Variants in MACO1 observed in about 807,000 individuals in gnomAD.
MACO1 encodes the protein macoilin.
In MACO1, 14 loss-of-function variants were observed where a neutral mutation model predicts 78.7. That is an observed-to-expected ratio of 0.18 (90% CI 0.12 to 0.28). The LOEUF (loss-of-function observed/expected upper bound fraction) is 0.28. Ranked by LOEUF, MACO1 falls within the 10% of genes least tolerant of loss-of-function variation. MACO1 has a pLI of 1.00. For missense variants in MACO1, 501 were observed against 799.0 expected, an observed-to-expected ratio of 0.63 and a Z score of 4.50; for synonymous variants, 288 against 291.6, an observed-to-expected ratio of 0.99 and a Z score of 0.12.
At chr1:25,458,949 G>T in intron 6 of MACO1, 57 bp downstream of exon 6, 4 of 1,558,768 alleles carry the variant, frequency 2.6e-6, no homozygotes, top group Non-Finnish European at 2.6e-6. Flanking sequence ...ACATACTCTT[G>T]ACATACTCCC....
At chr1:25,442,918 T>G (rs961960887) in intron 1 of MACO1, among the ~76,000 whole-genome samples, 2 of 152,214 alleles carry the variant, frequency 1.3e-5, no homozygotes, top group Non-Finnish European at 2.9e-5. Context: ...TAAGATACAG[T>G]ATAGTTATTA....
chr1:25,454,393 C>T lies in MACO1; in HGVS notation c.473+11C>T. 1.3e-6 allele frequency: 2 copies of T among 1,548,842 alleles called. No individual in the cohort carries two copies. The highest frequency in any genetic ancestry group is 8.7e-7 in the Non-Finnish European group (1 of 1,145,378). ...ATTTGCTGCTCACTGGTAAGTATTACATAAATGTATGTGTGTGTGTGTGTA... is the reference window on the plus strand; with the variant it reads ...ATTTGCTGCTCACTGGTAAGTATTATATAAATGTATGTGTGTGTGTGTGTA... On this transcript the variant is annotated intron_variant, in intron 4 of 10. Coordinates refer to ENST00000374343, the MANE Select transcript of MACO1 (RefSeq NM_018202.6).
At chr1:25,464,217 T>C (rs188508147) in intron 6 of MACO1, among the ~76,000 whole-genome samples, 3 of 152,340 alleles carry the variant, frequency 2.0e-5, no homozygotes, top group Admixed American at 2.0e-4. Context: ...TCTTTAGTTT[T>C]GCCTTTTCCA....
At chr1:25,446,990 T>G in intron 2 of MACO1, 87 bp downstream of exon 2, 1 of 1,473,236 alleles carries the variant, frequency 6.8e-7, no homozygotes. Flanking sequence ...GGTAACTATG[T>G]TAGGATTAGC....
chr1:25,477,220 A>G (rs1046738405), intron 6 of MACO1, among the ~76,000 whole-genome samples: 4 of 152,272 alleles, frequency 2.6e-5, no homozygotes, highest in African/African-American at 9.6e-5. Context: ...TGGAGAGTTT[A>G]ATTTTTGTTG....
intron 1 of MACO1, among the ~76,000 whole-genome samples, chr1:25,442,015 C>T (rs2042977552): frequency 6.6e-6 from 1 of 152,146 alleles, no homozygotes; most frequent in Non-Finnish European, 1.5e-5. Flanking sequence ...ATGTTATATA[C>T]CAGTGCTTCT....
chr1:25,496,158 C>CTT (rs1216344822), intron 10 of MACO1, among the ~76,000 whole-genome samples: 3 of 127,520 alleles, frequency 2.4e-5, no homozygotes, highest in African/African-American at 5.8e-5. Flanking sequence ...TTTTCTTTTT[C>CTT]TTTTTTTTTT....
chr1:25,470,504 C>T (rs1262559610), intron 6 of MACO1, among the ~76,000 whole-genome samples: 1 of 152,228 alleles, frequency 6.6e-6, no homozygotes, highest in East Asian at 1.9e-4. Context: ...ATTCCCTGGA[C>T]TGGTAACCCA....
chr1:25,460,836 C>G (rs1303466837), intron 6 of MACO1, among the ~76,000 whole-genome samples: 1 of 152,114 alleles, frequency 6.6e-6, no homozygotes, highest in Non-Finnish European at 1.5e-5. Flanking sequence ...TCTGCCTTGA[C>G]CTACAGTGTC....
intron 1 of MACO1, among the ~76,000 whole-genome samples, chr1:25,432,988 C>T (rs1285751610): frequency 6.6e-6 from 1 of 152,152 alleles, no homozygotes; most frequent in Non-Finnish European, 1.5e-5. Context: ...TTACTGATGG[C>T]TTTTGAAATT....
chr1:25,476,043 T>C (rs2043319756), intron 6 of MACO1, among the ~76,000 whole-genome samples: 1 of 152,232 alleles, frequency 6.6e-6, no homozygotes, highest in Non-Finnish European at 1.5e-5. Flanking sequence ...ACAGACAAGC[T>C]TTTACATAAG....
intron 10 of MACO1, among the ~76,000 whole-genome samples, chr1:25,495,688 G>A (rs1191836509): frequency 6.6e-6 from 1 of 152,126 alleles, no homozygotes; most frequent in Non-Finnish European, 1.5e-5. Flanking sequence ...TTCAGGCCAG[G>A]CGCGGTGGCT....
intron 1 of MACO1, among the ~76,000 whole-genome samples, chr1:25,442,185 A>G (rs755733831): frequency 2.0e-5 from 3 of 152,230 alleles, no homozygotes; most frequent in African/African-American, 7.2e-5. Context: ...TAATTAACAA[A>G]TGGCCAGTGT....
chr1:25,449,180 T>C (rs1258771675), intron 3 of MACO1, among the ~76,000 whole-genome samples: 1 of 152,158 alleles, frequency 6.6e-6, no homozygotes, highest in African/African-American at 2.4e-5. Flanking sequence ...TCACTCTGAA[T>C]ATATCTTTTT....
chr1:25,447,001 TA>T, intron 2 of MACO1, 98 bp downstream of exon 2: 1 of 1,402,274 alleles, frequency 7.1e-7, no homozygotes, highest in South Asian at 1.6e-5. Context: ...TAGGATTAGC[TA>T]ATAGGGTCTG....
intron 4 of MACO1, among the ~76,000 whole-genome samples, chr1:25,454,642 T>A (rs1340637579): frequency 1.3e-5 from 2 of 151,054 alleles, no homozygotes. Flanking sequence ...CCACCACACC[T>A]GGCTAATTTT....
chr1:25,458,919 A>T (rs1462042879), intron 6 of MACO1, 27 bp downstream of exon 6: 7 of 1,586,928 alleles, frequency 4.4e-6, no homozygotes, highest in Non-Finnish European at 6.0e-6. Flanking sequence ...CATCCTTACT[A>T]ACACTTTCCA....
rs1030002064 is a variant in MACO1, at chr1:25,458,439, A to G, written c.701A>G (p.Asn234Ser). ...DMDSSILIHH[N>S]GGIPANKKLS... ...GATTCTTCGATCCTTATACACCACA[A>G]TGGAGGTATCCCAGCCAACAAAAAA... Residue 234 changes from asparagine to serine, a missense_variant, in exon 6 of 11, where the codon AAT (asparagine) becomes AGT (serine). Asn to Ser is a conservative substitution (Grantham distance 46). Transcript: ENST00000374343. 18 of 1,612,668 alleles carry G rather than the reference A, an allele frequency of 1.1e-5. No individual in the cohort carries two copies. The highest frequency in any genetic ancestry group is 8.0e-5 in the African/African-American group (6 of 74,648).
rs114348702 is a variant in MACO1 at position 25,438,030 on chromosome 1, G to A, written c.80+6852G>A. Among the ~76,000 whole-genome samples the A allele has an allele frequency of 9.2e-3, 1,404 of 152,206 alleles. 20 individuals carry two copies. Among genetic ancestry groups the A allele is most frequent in the African/African-American group, 0.031 (1,285 of 41,556 alleles). On this transcript the variant is annotated intron_variant, in intron 1 of 10. Transcript: ENST00000374343. ...CAATTTAAAGGAAAAAAAAAATCTA[G>A]AATGGAAATCGCTAAAAAAGGTTTT...
Sources: gnomAD v4.1 joint callset for allele counts (sites outside exome capture counted in the v4.1 genomes callset) on GRCh38, gnomAD v4.1.1 for gene constraint, MANE v1.5 for transcripts, NCBI Gene and HGNC (gene_info 2026-07-23, HGNC 2026-07-21) for gene names.